Variants in EPC2 observed in about 807,000 individuals in gnomAD.
EPC2 encodes enhancer of polycomb homolog 2.
EPC2 carries 14 observed loss-of-function variants against 92.1 expected under a neutral mutation model. The ratio of observed to expected loss-of-function variants is 0.15; its 90% CI spans 0.10 to 0.24. EPC2 has a LOEUF of 0.24. Among genes scored for constraint, EPC2 ranks in the 10% least tolerant of loss-of-function variants. The pLI is 1.00. For synonymous variants in EPC2, 340 were observed against 334.7 expected, an observed-to-expected ratio of 1.02 and a Z score of -0.17; for missense variants, 755 against 971.5, an observed-to-expected ratio of 0.78 and a Z score of 2.96.
chr2:148,774,606 C>CA lies in EPC2; in HGVS notation c.1720+3230dup, dbSNP rs913773224. 6.9e-4 allele frequency among the ~76,000 whole-genome samples: 72 copies of CA among 104,302 alleles called. 1 individual carries two copies. The highest frequency in any genetic ancestry group is 1.0e-3 in the Admixed American group (8 of 7,822). 68.4% of individuals were successfully genotyped at this position (104,302 alleles called of 152,430 possible). On this transcript the variant is annotated intron_variant, in intron 10 of 13. Coordinates refer to ENST00000258484, the MANE Select transcript of EPC2 (RefSeq NM_015630.4). ...CTCCAGCCAGGGTGAGACCCTGACT[C>CA]AAAAAAAAAAATATATTTTATATAT...
At chr2:148,712,899 A>G (rs565311334) in intron 2 of EPC2, among the ~76,000 whole-genome samples, 3 of 152,082 alleles carry the variant, frequency 2.0e-5, no homozygotes, top group Admixed American at 6.5e-5. Context: ...GAAAAGCAAA[A>G]GTATAGCATG....
chr2:148,717,166 C>CA lies in EPC2; in HGVS notation c.314-26448dup, dbSNP rs1217578879. 2.9e-4 allele frequency among the ~76,000 whole-genome samples: 41 copies of CA among 141,916 alleles called. 1 individual carries two copies. The highest frequency in any genetic ancestry group is 1.5e-3 in the East Asian group (7 of 4,674). The allele number at this position is 141,916 out of a possible 152,430, so 93.1% of individuals were successfully genotyped here. ...GCCTAGTGGTCTGTCTTATAAATTTCAAAAAAAACAACTCCTGGATTCATT... is the reference window on the plus strand; with the variant it reads ...GCCTAGTGGTCTGTCTTATAAATTTCAAAAAAAAACAACTCCTGGATTCATT... On this transcript the variant is annotated intron_variant, in intron 2 of 13. Transcript: ENST00000258484.
chr2:148,753,135 A>G (rs1203215178), intron 3 of EPC2, among the ~76,000 whole-genome samples: 2 of 152,212 alleles, frequency 1.3e-5, no homozygotes, highest in South Asian at 2.1e-4. Context: ...GTGCAAGGCA[A>G]CAAATATGAC....
chr2:148,780,414 A>T (rs905809130), intron 10 of EPC2, among the ~76,000 whole-genome samples: 40 of 152,260 alleles, frequency 2.6e-4, no homozygotes, highest in South Asian at 6.2e-4. Flanking sequence ...CCATAAAAAA[A>T]TTTTTTTGAT....
chr2:148,691,733 A>G (rs954645100), intron 2 of EPC2: 2 of 1,010,324 alleles, frequency 2.0e-6, no homozygotes, highest in African/African-American at 1.6e-5. Context: ...GATCTGCTCA[A>G]GGTTCAGTTC....
chr2:148,743,899 G>A, intron 3 of EPC2, 132 bp downstream of exon 3: 3 of 648,578 alleles, frequency 4.6e-6, no homozygotes, highest in Non-Finnish European at 7.3e-6. Flanking sequence ...TGTTTACAAT[G>A]TTCCGTGAGT....
At chr2:148,716,416 G>C (rs2105387744) in intron 2 of EPC2, among the ~76,000 whole-genome samples, 1 of 152,286 alleles carries the variant, frequency 6.6e-6, no homozygotes, top group East Asian at 1.9e-4. Flanking sequence ...CTAGTTTATT[G>C]AGAGTTTCTA....
At position 148,770,905 on chromosome 2, in the gene EPC2, A is replaced by G. The variant is rs949579271; in HGVS notation, c.1344A>G (p.Gly448=). Residue 448 remains glycine (G), a synonymous_variant, in exon 9 of 14, where the codon GGA becomes GGG. Coordinates refer to ENST00000258484, the MANE Select transcript of EPC2 (RefSeq NM_015630.4). ...TTLTVPRRCI[G]FARRRIGRGG... ...TTACAGTCCCAAGAAGATGTATAGGATTTGCAAGGAGGCGAATTGGCAGAG... is the reference window on the plus strand; with the variant it reads ...TTACAGTCCCAAGAAGATGTATAGGGTTTGCAAGGAGGCGAATTGGCAGAG... 1.2e-6 allele frequency: 2 copies of G among 1,612,468 alleles called. No individual in the cohort carries two copies. Among genetic ancestry groups the G allele is most frequent in the African/African-American group, 2.7e-5 (2 of 74,838 alleles).
intron 2 of EPC2, among the ~76,000 whole-genome samples, chr2:148,728,389 T>A (rs1558822147): frequency 6.6e-6 from 1 of 152,120 alleles, no homozygotes; most frequent in South Asian, 2.1e-4. Flanking sequence ...TTTTTTTTTT[T>A]AATCACTGCA....
intron 2 of EPC2, among the ~76,000 whole-genome samples, chr2:148,733,143 A>T (rs1320846216): frequency 6.9e-6 from 1 of 145,782 alleles, no homozygotes; most frequent in Non-Finnish European, 1.5e-5. Context: ...TATTTCAAAC[A>T]GTATCTCTTG....
intron 10 of EPC2, among the ~76,000 whole-genome samples, chr2:148,777,982 A>C (rs1260380359): frequency 1.3e-5 from 2 of 152,198 alleles, no homozygotes; most frequent in Non-Finnish European, 2.9e-5. Context: ...GGGTATATAA[A>C]AGGGAAAATC....
At chr2:148,729,223 G>C (rs1000854951) in intron 2 of EPC2, among the ~76,000 whole-genome samples, 1 of 152,020 alleles carries the variant, frequency 6.6e-6, no homozygotes, top group Non-Finnish European at 1.5e-5. Context: ...TTGTACAGGA[G>C]TGCTTGTTTT....
chr2:148,785,232 TAGAG>T (rs201660966), intron 13 of EPC2, among the ~76,000 whole-genome samples: 11 of 150,010 alleles, frequency 7.3e-5, no homozygotes, highest in Admixed American at 1.3e-4. Context: ...AGAGTAGTAG[TAGAG>T]AGAGAGAGAG....
chr2:148,763,196 T>G (rs1476778891), intron 6 of EPC2, among the ~76,000 whole-genome samples: 1 of 152,120 alleles, frequency 6.6e-6, no homozygotes, highest in African/African-American at 2.4e-5. Flanking sequence ...CCTCAAAGCT[T>G]TCTTCATTGA....
intron 7 of EPC2, among the ~76,000 whole-genome samples, chr2:148,767,050 T>C (rs1275457297): frequency 6.6e-6 from 1 of 151,862 alleles, no homozygotes; most frequent in East Asian, 1.9e-4. Context: ...GTAGAAAAAT[T>C]AGCCAGGCGT....
intron 1 of EPC2, among the ~76,000 whole-genome samples, chr2:148,674,467 A>G (rs1479986865): frequency 6.6e-6 from 1 of 152,146 alleles, no homozygotes; most frequent in Non-Finnish European, 1.5e-5. Flanking sequence ...AAAGCCATGA[A>G]CTGGACACTT....
intron 13 of EPC2, among the ~76,000 whole-genome samples, chr2:148,785,563 TG>T (rs996825167): frequency 1.1e-4 from 17 of 152,130 alleles, no homozygotes; most frequent in African/African-American, 3.9e-4. Context: ...CCTGACCTGG[TG>T]ATCCACCCGC....
chr2:148,705,812 A>T (rs887582944), intron 2 of EPC2, among the ~76,000 whole-genome samples: 1 of 152,068 alleles, frequency 6.6e-6, no homozygotes, highest in Non-Finnish European at 1.5e-5. Flanking sequence ...AACATCAACC[A>T]AAAGGACATC....
In EPC2 at chr2:148,702,823, ATT is replaced by A. The variant is rs11365316; in HGVS notation, c.313+12461_313+12462del. On this transcript the variant is annotated intron_variant, in intron 2 of 13. Transcript: ENST00000258484. ...GTAAACTTTCTTAAAACACTATGAG[ATT>A]TTTTTTTTTTGCCATTTTTTCTTTA... Among the ~76,000 whole-genome samples, 85 of 148,016 alleles carry A rather than the reference ATT, an allele frequency of 5.7e-4. No individual in the cohort carries two copies. In the South Asian group the frequency reaches 7.4e-3, roughly 13 times the overall value.
Sources: allele counts gnomAD v4.1 joint callset (sites outside exome capture counted in the v4.1 genomes callset), GRCh38; gene constraint gnomAD v4.1.1; transcripts MANE v1.5; gene names NCBI Gene and HGNC (gene_info 2026-07-23, HGNC 2026-07-21).